Variants in PTPRN2 observed in about 807,000 individuals in gnomAD.
The protein encoded by PTPRN2 is protein tyrosine phosphatase receptor type N2.
In PTPRN2, 74 loss-of-function variants were observed where a neutral mutation model predicts 118.8. That is an observed-to-expected ratio of 0.62 (90% confidence interval 0.52 to 0.76). PTPRN2 has a LOEUF of 0.76. PTPRN2 is among the 30% of genes least tolerant of loss of function. The pLI, the probability that PTPRN2 is intolerant of heterozygous loss-of-function variation, is 0.00. For missense variants in PTPRN2, 1,481 were observed against 1,394.4 expected (o/e 1.06, Z -0.99); for synonymous variants, 641 against 608.0 (o/e 1.05, Z -0.80).
At chr7:157,905,213 C>G (rs1432735139) in intron 11 of PTPRN2, among the ~76,000 whole-genome samples, 1 of 152,160 alleles carries the variant, frequency 6.6e-6, no homozygotes, top group East Asian at 1.9e-4. Context: ...TCCTTTTGTT[C>G]CTTTTTATGA....
chr7:158,452,988 A>C (rs1431486102), intron 2 of PTPRN2, among the ~76,000 whole-genome samples: 1 of 152,212 alleles, frequency 6.6e-6, no homozygotes. Flanking sequence ...TCCACCCATC[A>C]CTGCAGCTGC....
chr7:157,549,876 C>T (rs181595731), intron 21 of PTPRN2, among the ~76,000 whole-genome samples: 2 of 152,332 alleles, frequency 1.3e-5, no homozygotes, highest in Admixed American at 1.3e-4. Flanking sequence ...GGGAAACCCA[C>T]ATGGGTGCCA....
chr7:158,463,584 A>G (rs1819163005), intron 2 of PTPRN2, among the ~76,000 whole-genome samples: 1 of 152,034 alleles, frequency 6.6e-6, no homozygotes, highest in Non-Finnish European at 1.5e-5. Context: ...TGTTGTCAAT[A>G]TCACCGTCAC....
intron 20 of PTPRN2, among the ~76,000 whole-genome samples, chr7:157,569,325 T>C (rs1286233551): frequency 1.3e-5 from 2 of 152,206 alleles, no homozygotes; most frequent in African/African-American, 4.8e-5. Flanking sequence ...GTATTGAAAA[T>C]ATCTGCAAGG....
intron 13 of PTPRN2, among the ~76,000 whole-genome samples, chr7:157,663,761 G>T (rs374922979): frequency 1.3e-5 from 2 of 152,342 alleles, no homozygotes; most frequent in East Asian, 1.9e-4. Flanking sequence ...ATCTCATGTG[G>T]TCTCATTCAC....
chr7:158,292,733 A>T (rs1800204635), intron 3 of PTPRN2, among the ~76,000 whole-genome samples: 1 of 152,248 alleles, frequency 6.6e-6, no homozygotes, highest in South Asian at 2.1e-4. Context: ...GTATCTGTGT[A>T]TCATCTATAC....
chr7:157,967,622 A>G (rs796348209), intron 11 of PTPRN2, among the ~76,000 whole-genome samples: 8 of 152,292 alleles, frequency 5.3e-5, no homozygotes, highest in African/African-American at 1.9e-4. Context: ...ACTCCATGAC[A>G]TGGGGAAAAG....
intron 21 of PTPRN2, among the ~76,000 whole-genome samples, chr7:157,561,771 C>T (rs1799202968): frequency 6.6e-6 from 1 of 152,236 alleles, no homozygotes; most frequent in Admixed American, 6.5e-5. Context: ...TGTCTGCTCT[C>T]CACCACCCTG....
chr7:158,177,810 C>G (rs1824350037), intron 5 of PTPRN2, among the ~76,000 whole-genome samples: 1 of 152,180 alleles, frequency 6.6e-6, no homozygotes, highest in Non-Finnish European at 1.5e-5. Flanking sequence ...TGGGCATTTA[C>G]TATGAAAGCT....
At chr7:157,724,082 A>G (rs1232076701) in intron 12 of PTPRN2, among the ~76,000 whole-genome samples, 1 of 151,738 alleles carries the variant, frequency 6.6e-6, no homozygotes, top group East Asian at 1.9e-4. Flanking sequence ...CCCCGTCTGA[A>G]GTGTGCTGGT....
At chr7:158,202,404 G>C (rs1007212157) in intron 4 of PTPRN2, among the ~76,000 whole-genome samples, 14 of 152,124 alleles carry the variant, frequency 9.2e-5, no homozygotes, top group African/African-American at 3.4e-4. Flanking sequence ...GGAGGCCTTT[G>C]GGTCAGCAGG....
rs558184626 is a variant in PTPRN2 at position 158,411,241 on chromosome 7, G to C, written c.163+78494C>G. On this transcript the variant is annotated intron_variant, in intron 2 of 22. Coordinates refer to ENST00000389418, the MANE Select transcript of PTPRN2 (RefSeq NM_002847.5). ...TCTGCCTCCCACGGCTTCTTCACAC[G>C]CTTCCCAGTGGGTTCATTCTCCCTT... Among the ~76,000 whole-genome samples, 5 of 152,296 alleles carry C rather than the reference G, an allele frequency of 3.3e-5. No individual in the cohort carries two copies. In the East Asian group the frequency reaches 9.6e-4, roughly 29 times the overall value.
At chr7:158,551,345 C>A (rs937438874) in intron 1 of PTPRN2, among the ~76,000 whole-genome samples, 2 of 152,276 alleles carry the variant, frequency 1.3e-5, no homozygotes, top group African/African-American at 4.8e-5. Context: ...CGCCTCCTAA[C>A]CCATCCCATC....
At position 158,361,626 on chromosome 7, in the gene PTPRN2, G is replaced by A. The variant is rs918138533; in HGVS notation, c.164-44694C>T. On this transcript the variant is annotated intron_variant, in intron 2 of 22. Coordinates refer to ENST00000389418, the MANE Select transcript of PTPRN2 (RefSeq NM_002847.5). ...GCCACAGACGATCTGGAGCCCCGGA[G>A]CCAGCCCTGCCCTCAGGACAGGCTG... 2.6e-5 allele frequency among the ~76,000 whole-genome samples: 4 copies of A among 152,306 alleles called. No homozygotes were observed. In the East Asian group the frequency reaches 7.7e-4, roughly 29 times the overall value.
At chr7:157,577,623 G>A (rs953750755) in intron 18 of PTPRN2, among the ~76,000 whole-genome samples, 1 of 152,162 alleles carries the variant, frequency 6.6e-6, no homozygotes, top group East Asian at 1.9e-4. Context: ...TCTTAAAAAC[G>A]GACCCCACTT....
At chr7:158,097,035 A>C (rs1299134629) in intron 10 of PTPRN2, among the ~76,000 whole-genome samples, 1 of 152,196 alleles carries the variant, frequency 6.6e-6, no homozygotes, top group East Asian at 1.9e-4. Context: ...CAGAGAGCCA[A>C]CCCAGGGAAT....
intron 12 of PTPRN2, among the ~76,000 whole-genome samples, chr7:157,849,259 C>T (rs1325627985): frequency 1.3e-5 from 2 of 152,222 alleles, no homozygotes; most frequent in African/African-American, 2.4e-5. Flanking sequence ...CGGTGCCTTT[C>T]TCCCCCAGGC....
intron 12 of PTPRN2, among the ~76,000 whole-genome samples, chr7:157,707,261 C>A (rs1315897396): frequency 6.6e-6 from 1 of 151,706 alleles, no homozygotes; most frequent in African/African-American, 2.4e-5. Context: ...AACACACACA[C>A]CACACATACA....
rs371377003 is a variant in PTPRN2, at chr7:158,318,767, G to A, written c.164-1835C>T. 5.9e-4 allele frequency among the ~76,000 whole-genome samples: 90 copies of A among 152,360 alleles called. 1 individual carries two copies. The highest frequency in any genetic ancestry group is 1.9e-3 in the South Asian group (9 of 4,832). On this transcript the variant is annotated intron_variant, in intron 2 of 22. Coordinates refer to ENST00000389418, the MANE Select transcript of PTPRN2 (RefSeq NM_002847.5). ...AAATGCACCCCCGGGGTGGACGTGC[G>A]TGGCCAGCTCAGGGCATGGCAGAGC...
Sources: allele counts gnomAD v4.1 joint callset (sites outside exome capture counted in the v4.1 genomes callset), GRCh38; gene constraint gnomAD v4.1.1; transcripts MANE v1.5; gene names NCBI Gene and HGNC (gene_info 2026-07-23, HGNC 2026-07-21).